Variants in PLSCR5 observed in about 807,000 individuals in gnomAD.
PLSCR5 encodes the protein phospholipid scramblase family member 5, also known as phospholipid scramblase family, member 5.
A neutral mutation model predicts 33.6 loss-of-function variants in PLSCR5; 44 were observed. The observed-to-expected ratio is 1.31, with a 90% CI of 1.03 to 1.69. The LOEUF is 1.69. PLSCR5 is among the 40% of genes most tolerant of loss of function. The pLI is 0.00. For synonymous variants in PLSCR5, 148 were observed against 112.3 expected (o/e 1.32, Z -2.01); for missense variants, 375 against 318.7 (o/e 1.18, Z -1.34).
chr3:146,579,700 T>C (rs1200960081), intron 7 of PLSCR5, among the ~76,000 whole-genome samples: 1 of 152,214 alleles, frequency 6.6e-6, no homozygotes, highest in Non-Finnish European at 1.5e-5. Context: ...TTCAATACAG[T>C]TTCTAAACAA....
intron 7 of PLSCR5, among the ~76,000 whole-genome samples, chr3:146,580,386 A>C (rs2044625433): frequency 7.3e-6 from 1 of 137,502 alleles, no homozygotes; most frequent in Admixed American, 7.6e-5. Context: ...TGTTTACTGT[A>C]CTCCATACTG....
At chr3:146,586,379 C>G (rs1156852571) in intron 6 of PLSCR5, among the ~76,000 whole-genome samples, 1 of 152,078 alleles carries the variant, frequency 6.6e-6, no homozygotes, top group Non-Finnish European at 1.5e-5. Context: ...TATGATTTAT[C>G]TGGAGAAGAA....
At position 146,595,102 on chromosome 3, in the gene PLSCR5, A is replaced by T. The variant is rs2044748142; in HGVS notation, c.190-19T>A. 2.9e-6 allele frequency: 4 copies of T among 1,367,590 alleles called. No homozygotes were observed. In the East Asian group the frequency reaches 1.1e-4, roughly 37 times the overall value. The allele number at this position is 1,367,590 out of a possible 1,614,324, so 84.7% of individuals were successfully genotyped here. A position where few individuals can be genotyped will look rare whatever the true frequency, so the allele number is the denominator to read the frequency against. ...GGTCTAACTGTAAAGGATGACATAA[A>T]AGGAAATAAAAAGTATTAACATCAC... On this transcript the variant is annotated intron_variant, in intron 2 of 7. Transcript: ENST00000443512.
At chr3:146,591,669 A>C (rs1042033891) in intron 5 of PLSCR5, 51 bp downstream of exon 5, 12 of 1,436,872 alleles carry the variant, frequency 8.4e-6, no homozygotes, top group African/African-American at 5.8e-5. Flanking sequence ...ATTATGTTGC[A>C]AAAAAAAATC....
intron 6 of PLSCR5, among the ~76,000 whole-genome samples, chr3:146,588,616 A>G (rs1209311690): frequency 6.6e-6 from 1 of 152,090 alleles, no homozygotes; most frequent in Non-Finnish European, 1.5e-5. Flanking sequence ...AAAGAAACAA[A>G]TGAGATGTGA....
At chr3:146,585,234 G>A (rs1425979704), downstream of PLSCR5, among the ~76,000 whole-genome samples, 1 of 151,980 alleles carries the variant, frequency 6.6e-6, no homozygotes, top group African/African-American at 2.4e-5. Flanking sequence ...TCCTTTGCTT[G>A]TTTTTAAGTC....
chr3:146,583,976 T>C (rs978961363), downstream of PLSCR5, among the ~76,000 whole-genome samples: 2 of 150,830 alleles, frequency 1.3e-5, no homozygotes, highest in Non-Finnish European at 3.0e-5. Flanking sequence ...CAAGAGAAGA[T>C]AGGAAAGCAA....
In PLSCR5 at chr3:146,605,171, A is replaced by C. The variant is rs764380130; in HGVS notation, c.13+29T>G. On this transcript the variant is annotated intron_variant, in intron 1 of 7. Transcript: ENST00000443512. ...TATTTTTAGTCTTAATATAAGAAAA[A>C]GTTATTAGTTGGTTATATTTACTCT... 1.9e-6 allele frequency: 3 copies of C among 1,594,314 alleles called. No individual in the cohort carries two copies. The East Asian group carries it at 6.7e-5, about 36-fold the overall frequency.
At chr3:146,583,511 A>G (rs1191507384), downstream of PLSCR5, among the ~76,000 whole-genome samples, 1 of 152,130 alleles carries the variant, frequency 6.6e-6, no homozygotes, top group Admixed American at 6.5e-5. Flanking sequence ...GCTTTTCACT[A>G]AAAATCATAA....
intron 5 of PLSCR5, among the ~76,000 whole-genome samples, chr3:146,590,854 C>T (rs1475373644): frequency 6.6e-6 from 1 of 152,016 alleles, no homozygotes; most frequent in Admixed American, 6.6e-5. Context: ...TAAATATACA[C>T]TTTCAATTAG....
Position 146,595,918 on chromosome 3 carries a change from A to G in PLSCR5, c.190-835T>C, listed in dbSNP as rs141385852. ...TTAAACCTGAAAGGTTATTGTATAC[A>G]TTTTTCTCTCATTCACACTTTCCTT... On this transcript the variant is annotated intron_variant, in intron 2 of 7. Transcript: ENST00000443512. 5.6e-3 allele frequency among the ~76,000 whole-genome samples: 848 copies of G among 152,250 alleles called. 10 individuals are homozygous for G. Among genetic ancestry groups the G allele is most frequent in the African/African-American group, 0.02 (811 of 41,546 alleles).
At position 146,594,171 on chromosome 3, in the gene PLSCR5, AT is replaced by A. The variant is rs781020481; in HGVS notation, c.233-32del. 18 of 1,513,654 alleles carry A rather than the reference AT, an allele frequency of 1.2e-5. No individual in the cohort carries two copies. In the Admixed American group the frequency reaches 1.9e-4, roughly 16 times the overall value. The allele number at this position is 1,513,654 out of a possible 1,614,324, so 93.8% of individuals were successfully genotyped here. ...GGAACAAAAAAAAAATTATAAAAAC[AT>A]TTTTTTCCTTAGTATTGATAACTTT... On this transcript the variant is annotated intron_variant, in intron 3 of 7. Transcript: ENST00000443512.
chr3:146,592,933 T>A (rs894920946), intron 4 of PLSCR5, among the ~76,000 whole-genome samples: 1 of 152,166 alleles, frequency 6.6e-6, no homozygotes, highest in African/African-American at 2.4e-5. Flanking sequence ...GGATGGAAAT[T>A]CTTGGGCTCC....
intron 2 of PLSCR5, among the ~76,000 whole-genome samples, chr3:146,595,925 T>G (rs565753682): frequency 1.8e-4 from 27 of 152,336 alleles, no homozygotes; most frequent in African/African-American, 5.8e-4. Context: ...TACATTTTTC[T>G]CTCATTCACA....
intron 7 of PLSCR5, among the ~76,000 whole-genome samples, chr3:146,578,659 T>G (rs1370863149): frequency 6.6e-6 from 1 of 152,138 alleles, no homozygotes; most frequent in East Asian, 1.9e-4. Context: ...TGGAATCAGA[T>G]GAGAAATGTT....
chr3:146,591,272 T>C (rs1032181692), intron 5 of PLSCR5, among the ~76,000 whole-genome samples: 4 of 152,010 alleles, frequency 2.6e-5, no homozygotes, highest in African/African-American at 9.6e-5. Flanking sequence ...TTGGTTATCT[T>C]AAAAAGGCAA....
intron 1 of PLSCR5, among the ~76,000 whole-genome samples, chr3:146,604,882 A>G (rs2107862496): frequency 6.6e-6 from 1 of 152,314 alleles, no homozygotes; most frequent in South Asian, 2.1e-4. Flanking sequence ...AACTTAAAAT[A>G]TCACCCTGTC....
Position 146,600,446 on chromosome 3 carries a change from T to A in PLSCR5, c.31A>T (p.Arg11Ter). MASKDAQNQRRGLPGFLPGAP... is the reference protein window; with the variant it reads MASKDAQNQR ...CCAGGAAGAAAACCAGGCAGACCTCTTCTTTGGTTCTGGGCATCTGCAAGA... is the reference window on the plus strand; with the variant it reads ...CCAGGAAGAAAACCAGGCAGACCTCATCTTTGGTTCTGGGCATCTGCAAGA... Residue 11 changes from arginine (R) to a stop codon, truncating the protein, a stop_gained, in exon 2 of 8, where the codon AGA becomes TGA. Coordinates refer to ENST00000443512, the MANE Select transcript of PLSCR5 (RefSeq NM_001085420.2). LOFTEE classifies it high-confidence loss of function. 6.3e-7 allele frequency: 1 copy of A among 1,595,314 alleles called. No individual in the cohort carries two copies. Among genetic ancestry groups the A allele is most frequent in the Non-Finnish European group, 8.6e-7 (1 of 1,168,802 alleles).
intron 1 of PLSCR5, among the ~76,000 whole-genome samples, chr3:146,603,121 A>T (rs1337181390): frequency 6.6e-6 from 1 of 152,114 alleles, no homozygotes; most frequent in Non-Finnish European, 1.5e-5. Context: ...TTCAGTTCTA[A>T]TGGCACCTGG....
Sources: gnomAD v4.1 joint callset for allele counts (sites outside exome capture counted in the v4.1 genomes callset) on GRCh38, gnomAD v4.1.1 for gene constraint, MANE v1.5 for transcripts, NCBI Gene and HGNC (gene_info 2026-07-23, HGNC 2026-07-21) for gene names.